CDC42: variants seen among roughly 807,000 people sequenced by gnomAD.
CDC42 encodes cell division control protein 42 homolog.
In CDC42, 1 loss-of-function variant was observed where a neutral mutation model predicts 20.8. That is an observed-to-expected ratio of 0.05 (90% CI 0.02 to 0.23). The LOEUF is 0.23. Among genes scored for constraint, CDC42 ranks in the 10% least tolerant of loss-of-function variants. The pLI is 1.00. For synonymous variants in CDC42, 72 were observed against 84.8 expected, an observed-to-expected ratio of 0.85 and a Z score of 0.83; for missense variants, 49 against 227.9, an observed-to-expected ratio of 0.21 and a Z score of 5.05.
rs1429281745 is a variant in CDC42 at position 22,093,253 on chromosome 1, C to A, written c.*1736C>A. Among the ~76,000 whole-genome samples the A allele has an allele frequency of 6.6e-6, 1 of 152,132 alleles. No homozygotes were observed. Among genetic ancestry groups the A allele is most frequent in the Non-Finnish European group, 1.5e-5 (1 of 68,028 alleles). ...AAGGAAATGTCAGTGTACCTTTAAT[C>A]CATAGATCATTGAAAAGCAGCTCAT... On this transcript the variant is annotated 3_prime_UTR_variant, in exon 6 of 6. Coordinates refer to ENST00000656825, the MANE Select transcript of CDC42 (RefSeq NM_001791.4).
chr1:22,096,046 A>T lies in CDC42; in HGVS notation c.*4529A>T, dbSNP rs1645756443. ...GGCATCTCCGCTCACTGCAACCTCC[A>T]CCTCCCAGGTTCACATGATTCTCCT... On this transcript the variant is annotated 3_prime_UTR_variant, in exon 6 of 6. Transcript: ENST00000656825. Among the ~76,000 whole-genome samples, 2 of 151,572 alleles carry T rather than the reference A, an allele frequency of 1.3e-5. No homozygotes were observed. The highest frequency in any genetic ancestry group is 4.9e-5 in the African/African-American group (2 of 41,212).
intron 1 of CDC42, among the ~76,000 whole-genome samples, chr1:22,061,009 G>A (rs2152826844): frequency 6.6e-6 from 1 of 152,304 alleles, no homozygotes; most frequent in East Asian, 1.9e-4. Context: ...TAGTTGATAA[G>A]CTAGTAAAGA....
chr1:22,101,266 C>G lies in CDC42; in HGVS notation c.*9749C>G, dbSNP rs1312606531. The G allele has an allele frequency of 1.3e-5, 2 of 152,170 alleles. No individual in the cohort carries two copies. Among genetic ancestry groups the G allele is most frequent in the African/African-American group, 2.4e-5 (1 of 41,446 alleles). 9.4% of individuals were successfully genotyped at this position (152,170 alleles called of 1,614,324 possible). A position where few individuals can be genotyped will look rare whatever the true frequency, so the allele number is the denominator to read the frequency against. ...GAGCTCTCAGTTGGAAGTTGAAGAT[C>G]CAGGTTCTAGTTGAGGCACCAGAGT... On this transcript the variant is annotated 3_prime_UTR_variant, in exon 6 of 6. Coordinates refer to ENST00000656825, the MANE Select transcript of CDC42 (RefSeq NM_001791.4).
At chr1:22,085,145 T>C (rs1281476181) in intron 3 of CDC42, among the ~76,000 whole-genome samples, 1 of 149,592 alleles carries the variant, frequency 6.7e-6, no homozygotes, top group Non-Finnish European at 1.5e-5. Flanking sequence ...GGCAGGAGAG[T>C]CTCTTGAACT....
rs571309284 is a variant in CDC42, at chr1:22,094,422, C to G, written c.*2905C>G. On this transcript the variant is annotated 3_prime_UTR_variant, in exon 6 of 6. Transcript: ENST00000656825. ...ACGCCATTCTCCTGCCTCAGCCTCC[C>G]GAGTAGCTGGGACTACCGGCGCCCG... is the stretch of plus-strand genomic sequence containing the variant. 2.1e-5 allele frequency among the ~76,000 whole-genome samples: 3 copies of G among 140,510 alleles called. No individual in the cohort carries two copies. Among genetic ancestry groups the G allele is most frequent in the Non-Finnish European group, 4.6e-5 (3 of 65,778 alleles). The allele number at this position is 140,510 out of a possible 152,430, so 92.2% of individuals were successfully genotyped here.
At chr1:22,089,071 A>G (rs1407801452) in intron 5 of CDC42, among the ~76,000 whole-genome samples, 4 of 152,102 alleles carry the variant, frequency 2.6e-5, no homozygotes, top group African/African-American at 7.2e-5. Flanking sequence ...TTTAGGACAT[A>G]TTTACTTGGG....
chr1:22,061,255 A>G (rs977414714), intron 1 of CDC42, among the ~76,000 whole-genome samples: 3 of 151,902 alleles, frequency 2.0e-5, no homozygotes, highest in Non-Finnish European at 2.9e-5. Flanking sequence ...AAAAATACAA[A>G]AAATTAGCCA....
At chr1:22,081,291 T>C (rs1310331480) in intron 2 of CDC42, among the ~76,000 whole-genome samples, 1 of 152,202 alleles carries the variant, frequency 6.6e-6, no homozygotes, top group African/African-American at 2.4e-5. Context: ...TCTAGGACTC[T>C]GAAAGGAAGA....
intron 1 of CDC42, chr1:22,063,952 T>G (rs1360620681): frequency 2.6e-5 from 4 of 152,218 alleles, no homozygotes; most frequent in Non-Finnish European, 5.9e-5. Context: ...ACTCCTGACC[T>G]CTTATGATCT....
chr1:22,053,732 T>A (rs1645264313), intron 1 of CDC42, among the ~76,000 whole-genome samples: 2 of 152,206 alleles, frequency 1.3e-5, no homozygotes, highest in South Asian at 4.1e-4. Flanking sequence ...CCCAGTGGCT[T>A]ATCCTGCCTG....
intron 1 of CDC42, among the ~76,000 whole-genome samples, chr1:22,058,486 T>C (rs1433420580): frequency 1.3e-3 from 1 of 748 alleles, no homozygotes; most frequent in Non-Finnish European, 2.3e-3. Context: ...TTATTTAAAG[T>C]TTTTTTTTTT....
chr1:22,071,141 TC>T (rs1484194561), intron 1 of CDC42, among the ~76,000 whole-genome samples: 2 of 146,760 alleles, frequency 1.4e-5, no homozygotes, highest in African/African-American at 5.1e-5. Flanking sequence ...CCTCACGGGT[TC>T]ACGCCATTCT....
chr1:22,087,019 G>A (rs16826540), intron 5 of CDC42, among the ~76,000 whole-genome samples, 153 bp downstream of exon 5: 78 of 152,238 alleles, frequency 5.1e-4, no homozygotes, highest in Non-Finnish European at 8.8e-4. Context: ...TTTGTTAGAG[G>A]CCTCTGTGTT....
intron 5 of CDC42, among the ~76,000 whole-genome samples, chr1:22,088,520 T>C (rs1402322985): frequency 1.3e-5 from 2 of 152,220 alleles, no homozygotes; most frequent in Non-Finnish European, 2.9e-5. Context: ...AAATGGGGTC[T>C]GTGGTTGTGT....
At chr1:22,090,080 G>A (rs1228196201) in intron 5 of CDC42, 1 of 1,599,152 alleles carries the variant, frequency 6.3e-7, no homozygotes, top group Admixed American at 1.7e-5. Context: ...TCCCACTACT[G>A]TAGAAAGATC....
chr1:22,086,063 C>G (rs1453207356), intron 3 of CDC42, among the ~76,000 whole-genome samples: 2 of 152,194 alleles, frequency 1.3e-5, no homozygotes, highest in African/African-American at 2.4e-5. Flanking sequence ...CCAGGCTGGT[C>G]TTGAACTCCT....
intron 3 of CDC42, among the ~76,000 whole-genome samples, chr1:22,086,093 G>C (rs1390156192): frequency 3.3e-5 from 5 of 152,156 alleles, no homozygotes; most frequent in African/African-American, 1.2e-4. Flanking sequence ...TGATCCGCCT[G>C]TCTCGGCCTC....
intron 1 of CDC42, among the ~76,000 whole-genome samples, chr1:22,077,142 G>A (rs1557901495): frequency 1.3e-5 from 2 of 152,082 alleles, no homozygotes. Context: ...GGTGACGGGA[G>A]TAAAACCCTG....
intron 1 of CDC42, among the ~76,000 whole-genome samples, chr1:22,054,340 C>T (rs966919077): frequency 2.0e-5 from 3 of 151,954 alleles, no homozygotes; most frequent in African/African-American, 7.3e-5. Flanking sequence ...CTCAGCCTCC[C>T]GAGTAGCTGG....
Sources: allele counts gnomAD v4.1 joint callset (sites outside exome capture counted in the v4.1 genomes callset), GRCh38; gene constraint gnomAD v4.1.1; transcripts MANE v1.5; gene names NCBI Gene and HGNC (gene_info 2026-07-23, HGNC 2026-07-21).